PNISR: variants seen among roughly 807,000 people sequenced by gnomAD.
PNISR encodes the protein arginine/serine-rich protein PNISR.
A neutral mutation model predicts 93.4 loss-of-function variants in PNISR; 20 were observed. That is an observed-to-expected ratio of 0.21 (90% CI 0.15 to 0.31). PNISR has a LOEUF of 0.31. Ranked by LOEUF, PNISR falls within the 10% of genes least tolerant of loss-of-function variation. The pLI is 1.00. For synonymous variants in PNISR, 305 were observed against 306.5 expected, an observed-to-expected ratio of 0.99 and a Z score of 0.05; for missense variants, 893 against 985.4, an observed-to-expected ratio of 0.91 and a Z score of 1.25.
chr6:99,400,444 T>C lies in PNISR; in HGVS notation c.*96A>G. 6.8e-7 allele frequency: 1 copy of C among 1,466,398 alleles called. No individual in the cohort carries two copies. The highest frequency in any genetic ancestry group is 2.3e-5 in the East Asian group (1 of 43,344). 90.8% of individuals were successfully genotyped at this position (1,466,398 alleles called of 1,614,324 possible). The stretch of plus-strand genomic sequence containing the variant: ...TATGATTATTTATCAAGTACCAAAC[T>C]GAGTTTATTAAAGAGAGAGAGAAAG... On this transcript the variant is annotated 3_prime_UTR_variant, in exon 12 of 12. Coordinates refer to ENST00000369239, the MANE Select transcript of PNISR (RefSeq NM_032870.4).
At chr6:99,424,361 T>G (rs1197431564) in intron 1 of PNISR, among the ~76,000 whole-genome samples, 1 of 152,152 alleles carries the variant, frequency 6.6e-6, no homozygotes, top group African/African-American at 2.4e-5. Flanking sequence ...ACGTCGTATG[T>G]GCTCAACGTA....
In PNISR at chr6:99,404,692, G is replaced by A. The variant is rs1775923815; in HGVS notation, c.1013C>T (p.Thr338Ile). 4.5e-6 allele frequency: 7 copies of A among 1,557,606 alleles called. No homozygotes were observed. The highest frequency in any genetic ancestry group is 6.2e-6 in the Non-Finnish European group (7 of 1,129,300). The change falls in exon 9 of 12, where the codon ACA becomes ATA. Residue 338 changes from threonine (T) to isoleucine (I), a missense_variant. Thr to Ile is a moderately conservative substitution (Grantham distance 89, BLOSUM62 -1). Coordinates refer to ENST00000369239, the MANE Select transcript of PNISR (RefSeq NM_032870.4). ...EEKEYQMMLLTKMLLTEILLD... is the reference protein window; with the variant it reads ...EEKEYQMMLLIKMLLTEILLD... ...CAGAATTTCTGTTAGAAGCATTTTT[G>A]TCAGCAACATCTAAAAAAGAGCATT... is the stretch of plus-strand genomic sequence containing the variant.
chr6:99,401,130 G>A lies in PNISR; in HGVS notation c.1828C>T (p.Arg610Trp), dbSNP rs1775435070. 3.7e-6 allele frequency: 6 copies of A among 1,613,766 alleles called. No individual in the cohort carries two copies. Among genetic ancestry groups the A allele is most frequent in the South Asian group, 2.2e-5 (2 of 91,074 alleles). The change falls in exon 12 of 12, where the codon CGG becomes TGG. Residue 610 changes from arginine (R) to tryptophan (W), a missense_variant. This residue lies in a region of PNISR where 866 missense variants were observed against 935.1 expected (regional missense o/e 0.93). Coordinates refer to ENST00000369239, the MANE Select transcript of PNISR (RefSeq NM_032870.4). ...NSIERERRRN[R>W]SPSRERRRSR... The stretch of plus-strand genomic sequence containing the variant: ...CTACGTCTCTCTCGGGAAGGACTCC[G>A]ATTTCGTCGTCTTTCTCTTTCAATG...
At chr6:99,409,989 TATTA>T (rs1294318096) in intron 5 of PNISR, 1 of 152,250 alleles carries the variant, frequency 6.6e-6, no homozygotes, top group African/African-American at 2.4e-5. Context: ...TCTGAATATT[TATTA>T]ATGAGAGGAT....
intron 1 of PNISR, among the ~76,000 whole-genome samples, chr6:99,420,396 G>A (rs1298639916): frequency 6.6e-6 from 1 of 152,164 alleles, no homozygotes; most frequent in Non-Finnish European, 1.5e-5. Context: ...TTAAAACTAG[G>A]AAATACTTAA....
Position 99,400,707 on chromosome 6 carries a change from G to A in PNISR, c.2251C>T (p.His751Tyr). The A allele has an allele frequency of 3.1e-6, 5 of 1,613,066 alleles. No individual in the cohort carries two copies. Among genetic ancestry groups the A allele is most frequent in the Non-Finnish European group, 4.2e-6 (5 of 1,179,742 alleles). Residue 751 changes from histidine (H) to tyrosine (Y), a missense_variant, in exon 12 of 12, where the codon CAT (histidine) becomes TAT (tyrosine). His to Tyr is a moderately conservative substitution (Grantham distance 83). Transcript: ENST00000369239. ...CTTCCACTAGAATCAGAGCCTGAAT[G>A]TTTTTTACTATCTTTGGTAGTACTT... is the stretch of plus-strand genomic sequence containing the variant. ...KKSTTKDSKK[H>Y]SGSDSSGRSS...
At chr6:99,402,458 T>A (rs1229071303) in intron 11 of PNISR, 82 bp downstream of exon 11, 7 of 994,622 alleles carry the variant, frequency 7.0e-6, no homozygotes, top group Non-Finnish European at 1.0e-5. Flanking sequence ...CTTTATTTTA[T>A]CCTTTGATAT....
At chr6:99,407,050 T>A (rs1776243553) in intron 7 of PNISR, among the ~76,000 whole-genome samples, 1 of 151,834 alleles carries the variant, frequency 6.6e-6, no homozygotes, top group Admixed American at 6.6e-5. Context: ...CTGGACAGAG[T>A]GGCTAATGTC....
chr6:99,408,212 G>C lies in PNISR; in HGVS notation c.733C>G (p.Arg245Gly). 6.2e-7 allele frequency: 1 copy of C among 1,612,674 alleles called. No individual in the cohort carries two copies. The highest frequency in any genetic ancestry group is 8.5e-7 in the Non-Finnish European group (1 of 1,179,160). The change falls in exon 7 of 12, where the codon CGT (arginine) becomes GGT (glycine). Residue 245 changes from arginine (R) to glycine (G), a missense_variant. Arg to Gly is a moderately radical substitution (Grantham distance 125). This residue lies in a region of PNISR where 866 missense variants were observed against 935.1 expected (regional missense o/e 0.93). Coordinates refer to ENST00000369239, the MANE Select transcript of PNISR (RefSeq NM_032870.4). ...TTCTCCAATTTCTTCTGCTTTTCAC[G>C]TTCCATTTTTTCAAGACCTTCGCGA... ...WIREGLEKME[R>G]EKQKKLEKER... is the part of the protein sequence containing the mutation.
intron 2 of PNISR, 134 bp from the exon 3 acceptor site, chr6:99,414,824 CA>C: frequency 2.3e-6 from 1 of 443,306 alleles, no homozygotes; most frequent in Non-Finnish European, 3.9e-6. Context: ...TTGCCAGAGG[CA>C]ACTAGAATTT....
At chr6:99,422,111 C>T (rs545237533) in intron 1 of PNISR, among the ~76,000 whole-genome samples, 1 of 152,142 alleles carries the variant, frequency 6.6e-6, no homozygotes, top group African/African-American at 2.4e-5. Context: ...AATGATCCAT[C>T]CTCCTCAGCC....
intron 4 of PNISR, chr6:99,412,104 G>A (rs1777015600): frequency 6.5e-4 from 175 of 269,350 alleles, no homozygotes; most frequent in East Asian, 1.4e-3. Context: ...AAAAAAAAAA[G>A]GGAAGAAAAA....
chr6:99,401,359 G>C lies in PNISR; in HGVS notation c.1599C>G (p.Ser533Arg). The change falls in exon 12 of 12, where the codon AGC becomes AGG. Residue 533 changes from serine (S) to arginine (R), a missense_variant. Physicochemically the swap from Ser to Arg is moderately radical, Grantham distance 110. Around this residue, in one of 3 missense-constraint regions of PNISR, gnomAD observed 866 missense variants for 935.1 expected, o/e 0.93. Coordinates refer to ENST00000369239, the MANE Select transcript of PNISR (RefSeq NM_032870.4). ...TACCTGAGCTAGAACTGTATGAAGA[G>C]CTAGAGACAGTACTACTAGTACTAC... ...RTSSTSSTVS[S>R]SSYSSSSGSS... The C allele has an allele frequency of 6.2e-7, 1 of 1,613,166 alleles. No individual in the cohort carries two copies. Among genetic ancestry groups the C allele is most frequent in the East Asian group, 2.2e-5 (1 of 44,866 alleles).
At chr6:99,422,866 C>T (rs895331100) in intron 1 of PNISR, among the ~76,000 whole-genome samples, 2 of 90,264 alleles carry the variant, frequency 2.2e-5, no homozygotes, top group East Asian at 6.4e-4. Flanking sequence ...AACAGAGTGA[C>T]ACTCTGTCTC....
intron 1 of PNISR, among the ~76,000 whole-genome samples, chr6:99,419,285 T>C (rs1049987847): frequency 6.8e-6 from 1 of 147,812 alleles, no homozygotes; most frequent in African/African-American, 2.5e-5. Flanking sequence ...TGAATGTGAA[T>C]ATTCATACCA....
At chr6:99,412,803 T>G (rs972957162) in intron 3 of PNISR, 64 bp from the exon 4 acceptor site, 16 of 992,660 alleles carry the variant, frequency 1.6e-5, no homozygotes, top group Non-Finnish European at 2.3e-5. Flanking sequence ...AGTGCCTCTA[T>G]GTAAAATAAG....
Position 99,400,279 on chromosome 6 carries a change from C to G in PNISR, c.*261G>C. ...ATCATGGCATTCTTGCCACATCATT[C>G]CTCAGCGTTTACGACGGGGAGGGGT... On this transcript the variant is annotated 3_prime_UTR_variant, in exon 12 of 12. Transcript: ENST00000369239. 2 of 985,596 alleles carry G rather than the reference C, an allele frequency of 2.0e-6. No homozygotes were observed. The highest frequency in any genetic ancestry group is 2.5e-6 in the Non-Finnish European group (2 of 813,932). The allele number at this position is 985,596 out of a possible 1,614,324, so 61.1% of individuals were successfully genotyped here. A position where few individuals can be genotyped will look rare whatever the true frequency, so the allele number is the denominator to read the frequency against.
At chr6:99,424,260 TTA>T in intron 1 of PNISR, among the ~76,000 whole-genome samples, 1 of 152,230 alleles carries the variant, frequency 6.6e-6, no homozygotes, top group African/African-American at 2.4e-5. Context: ...TGGACCTTAG[TTA>T]ATAATTTATC....
In PNISR at chr6:99,400,760, C is replaced by T. The variant is rs1446286791; in HGVS notation, c.2198G>A (p.Arg733Lys). 6.2e-7 allele frequency: 1 copy of T among 1,606,266 alleles called. No homozygotes were observed. Among genetic ancestry groups the T allele is most frequent in the South Asian group, 1.1e-5 (1 of 90,284 alleles). Reference sequence around the variant, plus strand: ...CTTACTATCCTGTCTAGAATCATGTCTTATGATTTTAACAGATATAGAACC... The same window carrying T: ...CTTACTATCCTGTCTAGAATCATGTTTTATGATTTTAACAGATATAGAACC... Reference protein sequence around the residue: ...RSGSISVKIIRHDSRQDSKKS... With the variant: ...RSGSISVKIIKHDSRQDSKKS... The change falls in exon 12 of 12, where the codon AGA becomes AAA. Residue 733 changes from arginine (R) to lysine (K), a missense_variant. By Grantham distance (26) the Arg-to-Lys change is conservative. Around this residue, in one of 3 missense-constraint regions of PNISR, gnomAD observed 866 missense variants for 935.1 expected, o/e 0.93. Coordinates refer to ENST00000369239, the MANE Select transcript of PNISR (RefSeq NM_032870.4).
Sources: gnomAD v4.1 joint callset for allele counts (sites outside exome capture counted in the v4.1 genomes callset) on GRCh38, gnomAD v4.1.1 for gene constraint, gnomAD v4.1.1 regional missense constraint, MANE v1.5 for transcripts, NCBI Gene and HGNC (gene_info 2026-07-23, HGNC 2026-07-21) for gene names.